Variants in ZNF407 observed in about 807,000 individuals in gnomAD.
ZNF407 encodes the protein zinc finger protein 407.
Under a neutral mutation model 131.2 loss-of-function variants are expected in ZNF407, and 17 were observed. The ratio of observed to expected loss-of-function variants is 0.13; its 90% CI spans 0.09 to 0.19. The LOEUF (loss-of-function observed/expected upper bound fraction) is 0.19. ZNF407 is among the 10% of genes least tolerant of loss of function. The pLI is 1.00. For missense variants in ZNF407, 2,681 were observed against 2,830.6 expected, an observed-to-expected ratio of 0.95 and a Z score of 1.20; for synonymous variants, 1,156 against 1,062.0, an observed-to-expected ratio of 1.09 and a Z score of -1.72.
Position 74,974,189 on chromosome 18 carries a change from C to T in ZNF407, c.5428+53497C>T, listed in dbSNP as rs565962058. On this transcript the variant is annotated intron_variant, in intron 8 of 8. Transcript: ENST00000299687. ...CCCACCTCGAATCCTGTGTATCCTT[C>T]GAAGTAGACGATTTTTCTTGGTCCT... Among the ~76,000 whole-genome samples, 33 of 152,254 alleles carry T rather than the reference C, an allele frequency of 2.2e-4. 1 individual carries two copies. The South Asian group carries it at 5.6e-3, about 26-fold the overall frequency.
intron 3 of ZNF407, among the ~76,000 whole-genome samples, chr18:74,670,334 G>T (rs1419194847): frequency 6.6e-6 from 1 of 152,182 alleles, no homozygotes; most frequent in African/African-American, 2.4e-5. Context: ...GAAGTTAGAT[G>T]ATTTAATGTA....
intron 8 of ZNF407, among the ~76,000 whole-genome samples, chr18:74,975,580 A>T (rs189580936): frequency 2.8e-4 from 42 of 152,304 alleles, no homozygotes; most frequent in Admixed American, 2.5e-3. Flanking sequence ...TTATAACCTT[A>T]TGAAATTATA....
intron 8 of ZNF407, among the ~76,000 whole-genome samples, chr18:74,961,761 A>T (rs1972348275): frequency 6.6e-6 from 1 of 151,960 alleles, no homozygotes; most frequent in Admixed American, 6.6e-5. Flanking sequence ...TAATTGCAGT[A>T]GAATGAGGTT....
intron 1 of ZNF407, among the ~76,000 whole-genome samples, chr18:74,620,311 T>C (rs1983462606): frequency 6.6e-6 from 1 of 152,084 alleles, no homozygotes; most frequent in African/African-American, 2.4e-5. Flanking sequence ...CAAATTTGAT[T>C]TGTTGTTTTA....
chr18:75,049,628 C>A (rs1422264310), intron 8 of ZNF407, among the ~76,000 whole-genome samples: 1 of 152,134 alleles, frequency 6.6e-6, no homozygotes, highest in Non-Finnish European at 1.5e-5. Flanking sequence ...GTGATTAAGG[C>A]AAAGTTTTCT....
chr18:74,716,645 G>A (rs1450393648), intron 3 of ZNF407, among the ~76,000 whole-genome samples: 3 of 152,130 alleles, frequency 2.0e-5, no homozygotes, highest in Non-Finnish European at 2.9e-5. Flanking sequence ...CCTGCTTGGT[G>A]AAGTAAACAA....
chr18:74,781,472 G>C lies in ZNF407; in HGVS notation c.4847G>C (p.Gly1616Ala). The change falls in exon 4 of 9, where the codon GGC becomes GCC. Residue 1616 changes from glycine to alanine, a missense_variant. Gly to Ala is a moderately conservative substitution (Grantham distance 60). Around this residue, in one of 6 missense-constraint regions of ZNF407, gnomAD observed 213 missense variants for 332.2 expected, o/e 0.64. Coordinates refer to ENST00000299687, the MANE Select transcript of ZNF407 (RefSeq NM_017757.3). Reference sequence around the variant, plus strand: ...AAGCACTTAAATACTCATCTACTAGGCAAGCATGGAGTTGGCACCCCAAAA... The same window carrying C: ...AAGCACTTAAATACTCATCTACTAGCCAAGCATGGAGTTGGCACCCCAAAA... ...MKKHLNTHLLGKHGVGTPKER... is the reference protein window; with the variant it reads ...MKKHLNTHLLAKHGVGTPKER... 6.5e-7 allele frequency: 1 copy of C among 1,541,970 alleles called. No homozygotes were observed. Among genetic ancestry groups the C allele is most frequent in the East Asian group, 2.4e-5 (1 of 40,968 alleles).
chr18:74,605,226 T>C (rs1982754361), intron 1 of ZNF407, among the ~76,000 whole-genome samples: 1 of 142,374 alleles, frequency 7.0e-6, no homozygotes, highest in African/African-American at 2.6e-5. Context: ...CACCCCCAGC[T>C]ACTTAGTGAG....
intron 8 of ZNF407, among the ~76,000 whole-genome samples, chr18:75,029,631 G>T (rs1264058513): frequency 6.6e-6 from 1 of 152,222 alleles, no homozygotes; most frequent in Non-Finnish European, 1.5e-5. Context: ...GTGTGCGTGG[G>T]TGTGCGTGCG....
At chr18:74,948,399 G>C (rs1250722379) in intron 8 of ZNF407, among the ~76,000 whole-genome samples, 1 of 152,138 alleles carries the variant, frequency 6.6e-6, no homozygotes, top group Non-Finnish European at 1.5e-5. Context: ...ACATGTTCCA[G>C]ATTGCTAGTT....
rs755792644 is a variant in ZNF407, at chr18:74,633,173, T to C, written c.2154T>C (p.Thr718=). Residue 718 remains threonine (T), a synonymous_variant, in exon 2 of 9, where the codon ACT becomes ACC. Coordinates refer to ENST00000299687, the MANE Select transcript of ZNF407 (RefSeq NM_017757.3). ...KKCFYKTRSS[T]VLTRHIKLRH... ...GTTTTTATAAAACAAGATCTTCTAC[T>C]GTTCTCACGAGACATATAAAGCTTC... 3 of 1,613,494 alleles carry C rather than the reference T, an allele frequency of 1.9e-6. No homozygotes were observed. Among genetic ancestry groups the C allele is most frequent in the East Asian group, 2.2e-5 (1 of 44,862 alleles).
intron 3 of ZNF407, among the ~76,000 whole-genome samples, chr18:74,761,905 T>C (rs1295714806): frequency 6.6e-6 from 1 of 152,194 alleles, no homozygotes; most frequent in Admixed American, 6.5e-5. Flanking sequence ...CTGTATACTT[T>C]TGTCATGTGT....
At chr18:75,015,934 G>A (rs1481682496) in intron 8 of ZNF407, among the ~76,000 whole-genome samples, 1 of 151,922 alleles carries the variant, frequency 6.6e-6, no homozygotes, top group African/African-American at 2.4e-5. Context: ...AACTTTTAAT[G>A]GTATCTACTG....
intron 3 of ZNF407, among the ~76,000 whole-genome samples, chr18:74,741,043 C>T (rs975984402): frequency 4.2e-4 from 64 of 152,246 alleles, no homozygotes; most frequent in African/African-American, 1.4e-3. Flanking sequence ...GCAGCTGCAT[C>T]ACAGGAAGTT....
In ZNF407 at chr18:74,633,357, A is replaced by G. The variant is rs781708782; in HGVS notation, c.2338A>G (p.Ile780Val). ...SFEECIERVC[I>V]GANDKKEEFD... ...TGAAGAATGTATTGAAAGGGTATGTATAGGTGCAAATGATAAAAAAGAAGA... is the reference window on the plus strand; with the variant it reads ...TGAAGAATGTATTGAAAGGGTATGTGTAGGTGCAAATGATAAAAAAGAAGA... The change falls in exon 2 of 9, where the codon ATA becomes GTA. Residue 780 changes from isoleucine to valine, a missense_variant. Physicochemically the swap from Ile to Val is conservative, Grantham distance 29. Around this residue, in one of 6 missense-constraint regions of ZNF407, gnomAD observed 1,789 missense variants for 1,748.7 expected, o/e 1.02. Transcript: ENST00000299687. The G allele has an allele frequency of 1.2e-6, 2 of 1,613,974 alleles. No homozygotes were observed. Among genetic ancestry groups the G allele is most frequent in the Non-Finnish European group, 1.7e-6 (2 of 1,179,890 alleles).
At chr18:74,667,275 C>T (rs1202890454) in intron 3 of ZNF407, among the ~76,000 whole-genome samples, 2 of 152,132 alleles carry the variant, frequency 1.3e-5, no homozygotes, top group African/African-American at 4.8e-5. Flanking sequence ...TTGCCATTGC[C>T]GATCTTTGAC....
intron 4 of ZNF407, chr18:74,804,767 A>C: frequency 3.3e-6 from 1 of 299,552 alleles, no homozygotes; most frequent in Non-Finnish European, 4.9e-6. Context: ...TTACTTAGGA[A>C]AAAATTTCTT....
chr18:74,627,841 A>ACCCCGCCCCGCCCCGCCCCGCCCCG (rs1158859005), intron 1 of ZNF407, among the ~76,000 whole-genome samples: 3 of 50,376 alleles, frequency 6.0e-5, no homozygotes, highest in East Asian at 1.5e-3. Context: ...GCCCCGCCCC[A>ACCCCGCCCCGCCCCGCCCCGCCCCG]CCCCGCCCCG....
chr18:74,653,890 ATGTGT>A (rs1168898896), intron 3 of ZNF407, among the ~76,000 whole-genome samples: 2 of 151,832 alleles, frequency 1.3e-5, no homozygotes, highest in African/African-American at 4.8e-5. Context: ...TTGTTGGCTT[ATGTGT>A]TATCATGAAC....
Sources: gnomAD v4.1 joint callset for allele counts (sites outside exome capture counted in the v4.1 genomes callset) on GRCh38, gnomAD v4.1.1 for gene constraint, gnomAD v4.1.1 regional missense constraint, MANE v1.5 for transcripts, NCBI Gene and HGNC (gene_info 2026-07-23, HGNC 2026-07-21) for gene names.